The following PROS1 variants were observed in gnomAD, a reference collection of about 807,000 sequenced individuals.
The protein encoded by PROS1 is protein S.
In PROS1, 29 loss-of-function variants were observed where a neutral mutation model predicts 75.9. That is an observed-to-expected ratio of 0.38 (90% CI 0.28 to 0.52). The LOEUF is 0.52. Ranked by LOEUF, PROS1 falls within the 20% of genes least tolerant of loss-of-function variation. The pLI is 0.83. For missense variants in PROS1, 680 were observed against 810.3 expected, an observed-to-expected ratio of 0.84 and a Z score of 1.95; for synonymous variants, 245 against 280.6, an observed-to-expected ratio of 0.87 and a Z score of 1.27.
At chr3:93,928,192 A>T (rs185106065) in intron 1 of PROS1, among the ~76,000 whole-genome samples, 1 of 149,214 alleles carries the variant, frequency 6.7e-6, no homozygotes, top group African/African-American at 2.5e-5. Context: ...TTAATTGTTC[A>T]TGGTGGTATG....
intron 1 of PROS1, among the ~76,000 whole-genome samples, chr3:93,928,336 G>C (rs1230255394): frequency 6.7e-6 from 1 of 149,254 alleles, no homozygotes; most frequent in Non-Finnish European, 1.5e-5. Context: ...AAAAAAATCT[G>C]AAAAAAAAGA....
chr3:93,960,169 T>C (rs1439104533), intron 1 of PROS1, among the ~76,000 whole-genome samples: 1 of 151,972 alleles, frequency 6.6e-6, no homozygotes, highest in East Asian at 1.9e-4. Context: ...CAGAAGTGCG[T>C]TTGTCACTTT....
intron 1 of PROS1, among the ~76,000 whole-genome samples, chr3:93,967,532 A>G (rs1167945581): frequency 1.3e-5 from 2 of 152,178 alleles, no homozygotes; most frequent in Admixed American, 1.3e-4. Flanking sequence ...AAGACACAAC[A>G]CTATCTTTCA....
At chr3:93,876,590 A>C in intron 14 of PROS1, among the ~76,000 whole-genome samples, 1 of 127,338 alleles carries the variant, frequency 7.9e-6, no homozygotes, top group African/African-American at 3.2e-5. Context: ...CTCCATCTCA[A>C]AAAAAAAAAA....
Position 93,953,606 on chromosome 3 carries a change from C to T in PROS1, c.76+20068G>A, listed in dbSNP as rs1233630795. Among the ~76,000 whole-genome samples, 5 of 152,118 alleles carry T rather than the reference C, an allele frequency of 3.3e-5. No individual in the cohort carries two copies. The East Asian group carries it at 9.6e-4, about 29-fold the overall frequency. ...AATAATAAGAGCTATTTATGACAAACCCACAGCCAGTATCATACTGAATGG... is the reference window on the plus strand; with the variant it reads ...AATAATAAGAGCTATTTATGACAAATCCACAGCCAGTATCATACTGAATGG... On this transcript the variant is annotated intron_variant, in intron 1 of 14. Coordinates refer to ENST00000394236, the MANE Select transcript of PROS1 (RefSeq NM_000313.4).
At position 93,893,079 on chromosome 3, in the gene PROS1, C is replaced by T. The variant is rs200771229; in HGVS notation, c.1009G>A (p.Val337Met). ...FDFRTYDSEG[V>M]ILYAESIDHS... is the part of the protein sequence containing the mutation. ...TCGATAGATTCTGCGTACAGTATCA[C>T]GCCTTCTGAATCATATGTCCGGAAA... is the stretch of plus-strand genomic sequence containing the variant. Residue 337 changes from valine (V) to methionine (M), a missense_variant, in exon 10 of 15, where the codon GTG becomes ATG. Coordinates refer to ENST00000394236, the MANE Select transcript of PROS1 (RefSeq NM_000313.4). 19 of 1,613,866 alleles carry T rather than the reference C, an allele frequency of 1.2e-5. No homozygotes were observed. The East Asian group carries it at 1.3e-4, about 11-fold the overall frequency.
intron 3 of PROS1, among the ~76,000 whole-genome samples, chr3:93,921,726 T>G (rs894782207): frequency 2.0e-5 from 3 of 152,188 alleles, no homozygotes; most frequent in Non-Finnish European, 4.4e-5. Context: ...TTTAGAATAT[T>G]TTCCCTTTCT....
intron 11 of PROS1, among the ~76,000 whole-genome samples, chr3:93,885,938 G>T (rs1235673440): frequency 2.0e-5 from 3 of 151,988 alleles, no homozygotes; most frequent in Non-Finnish European, 4.4e-5. Flanking sequence ...AAAGTCCTTT[G>T]ACTGGCTTTT....
chr3:93,928,656 A>G (rs1339042678), intron 1 of PROS1: 1 of 768,600 alleles, frequency 1.3e-6, no homozygotes, highest in Non-Finnish European at 1.9e-6. Flanking sequence ...TAAAAATAAC[A>G]TAACAAAGTT....
At position 93,945,687 on chromosome 3, in the gene PROS1, AC is replaced by A. The variant is rs762659413; in HGVS notation, c.77-18281del. Among the ~76,000 whole-genome samples the A allele has an allele frequency of 4.7e-3, 721 of 152,212 alleles. 5 individuals are homozygous for A. Among genetic ancestry groups the A allele is most frequent in the African/African-American group, 0.012 (491 of 41,528 alleles). ...AAATAATAAGAGCTATTTATGACAA[AC>A]CCACAGCCAATATCATACTGAATGG... On this transcript the variant is annotated intron_variant, in intron 1 of 14. Transcript: ENST00000394236.
At chr3:93,928,533 C>CAAA (rs200106525) in intron 1 of PROS1, among the ~76,000 whole-genome samples, 1 of 47,686 alleles carries the variant, frequency 2.1e-5, no homozygotes, top group Non-Finnish European at 4.4e-5. Context: ...GACTCTGTCT[C>CAAA]AAAAAAAAAA....
At chr3:93,898,683 A>G in intron 7 of PROS1, 114 bp from the exon 8 acceptor site, 1 of 1,251,700 alleles carries the variant, frequency 8.0e-7, no homozygotes, top group Non-Finnish European at 1.2e-6. Context: ...ATCGAACCTT[A>G]GGGAAAGAAA....
intron 14 of PROS1, among the ~76,000 whole-genome samples, chr3:93,876,291 T>C (rs760551929): frequency 6.6e-5 from 10 of 152,186 alleles, no homozygotes; most frequent in Non-Finnish European, 1.3e-4. Context: ...CAATAGTTGA[T>C]GGTAGTTAGA....
At chr3:93,886,675 G>C (rs975812335) in intron 10 of PROS1, among the ~76,000 whole-genome samples, 172 bp from the exon 11 acceptor site, 2 of 152,060 alleles carry the variant, frequency 1.3e-5, no homozygotes, top group African/African-American at 4.8e-5. Context: ...TATGATAAAT[G>C]TGATAAAAAG....
In PROS1 at chr3:93,892,513, A is replaced by G. The variant is rs1312664213; in HGVS notation, c.1155+420T>C. ...GTGGCGCATGCCTGTAATCCCAGCT[A>G]CTCGAGAGGCCAAAACAGGAGAATC... On this transcript the variant is annotated intron_variant, in intron 10 of 14. Coordinates refer to ENST00000394236, the MANE Select transcript of PROS1 (RefSeq NM_000313.4). Among the ~76,000 whole-genome samples the G allele has an allele frequency of 2.8e-4, 43 of 150,974 alleles. 1 individual carries two copies. The highest frequency in any genetic ancestry group is 2.8e-3 in the Admixed American group (43 of 15,128).
At chr3:93,919,269 T>C (rs1346542905) in intron 3 of PROS1, among the ~76,000 whole-genome samples, 2 of 152,222 alleles carry the variant, frequency 1.3e-5, no homozygotes, top group Non-Finnish European at 2.9e-5. Context: ...CAGTGGAGTA[T>C]AAGGATTTCT....
intron 9 of PROS1, among the ~76,000 whole-genome samples, 157 bp downstream of exon 9, chr3:93,896,419 A>G (rs550807194): frequency 6.6e-6 from 1 of 152,314 alleles, no homozygotes; most frequent in South Asian, 2.1e-4. Flanking sequence ...GTGAAGGAGT[A>G]AATTAACTTT....
At chr3:93,940,122 G>A (rs748528095) in intron 1 of PROS1, among the ~76,000 whole-genome samples, 20 of 152,150 alleles carry the variant, frequency 1.3e-4, no homozygotes, top group South Asian at 2.1e-4. Context: ...CCCGCAGCCC[G>A]GGATACCTCC....
At chr3:93,973,644 A>G in intron 1 of PROS1, 30 bp downstream of exon 1, 1 of 1,607,044 alleles carries the variant, frequency 6.2e-7, no homozygotes, top group Non-Finnish European at 8.5e-7. Flanking sequence ...AATGCTGGGG[A>G]AGGGAGAAGA....
Sources: allele counts gnomAD v4.1 joint callset (sites outside exome capture counted in the v4.1 genomes callset), GRCh38; gene constraint gnomAD v4.1.1; transcripts MANE v1.5; gene names NCBI Gene and HGNC (gene_info 2026-07-23, HGNC 2026-07-21).